TLL2: variants seen among roughly 807,000 people sequenced by gnomAD.
TLL2 encodes the protein tolloid-like protein 2.
In TLL2, 106 loss-of-function variants were observed where a neutral mutation model predicts 123.0. That is an observed-to-expected ratio of 0.86 (90% confidence interval 0.74 to 1.01). TLL2 has a LOEUF of 1.01. Among genes scored for constraint, TLL2 ranks in the 50% least tolerant of loss-of-function variants. TLL2 has a pLI of 0.00. For missense variants in TLL2, 1,332 were observed against 1,336.7 expected, an observed-to-expected ratio of 1.00 and a Z score of 0.06; for synonymous variants, 494 against 516.8, an observed-to-expected ratio of 0.96 and a Z score of 0.60.
At chr10:96,502,297 G>A (rs890895599) in intron 1 of TLL2, among the ~76,000 whole-genome samples, 1 of 152,206 alleles carries the variant, frequency 6.6e-6, no homozygotes, top group Non-Finnish European at 1.5e-5. Flanking sequence ...TGACATTAAA[G>A]GATCCTAAGC....
intron 16 of TLL2, among the ~76,000 whole-genome samples, chr10:96,382,043 A>C (rs1846190423): frequency 6.6e-6 from 1 of 152,086 alleles, no homozygotes; most frequent in Non-Finnish European, 1.5e-5. Flanking sequence ...CAAGATTTGC[A>C]CTTTGTTGAA....
intron 10 of TLL2, among the ~76,000 whole-genome samples, chr10:96,404,189 G>C (rs919489232): frequency 6.6e-6 from 1 of 152,156 alleles, no homozygotes; most frequent in Non-Finnish European, 1.5e-5. Context: ...CTTTGTCTCT[G>C]TGTCTTATTT....
chr10:96,411,111 C>T (rs1401927582), intron 8 of TLL2, among the ~76,000 whole-genome samples: 3 of 151,674 alleles, frequency 2.0e-5, no homozygotes, highest in South Asian at 2.1e-4. Flanking sequence ...GTGGTAGTGG[C>T]GTGCACCTGT....
rs200405308 is a variant in TLL2, at chr10:96,395,381, A to G, written c.1532T>C (p.Ile511Thr). 6.3e-7 allele frequency: 1 copy of G among 1,579,178 alleles called. No homozygotes were observed. The stretch of plus-strand genomic sequence containing the variant: ...ATATGCACAGCTGTCGTGCCTTTCA[A>G]TCTAAAGGAAGAAACAGAGGCAAGG... ...HVGLTFQAFE[I>T]ERHDSCAYDY... Residue 511 changes from isoleucine to threonine, a missense_variant and splice_region_variant, in exon 13 of 21, where the codon ATT becomes ACT. Transcript: ENST00000357947.
At chr10:96,382,443 G>T (rs1289322123) in intron 16 of TLL2, among the ~76,000 whole-genome samples, 1 of 151,966 alleles carries the variant, frequency 6.6e-6, no homozygotes, top group African/African-American at 2.4e-5. Context: ...GGTGACAAGA[G>T]CCCTAATGGA....
At chr10:96,422,803 C>A in intron 5 of TLL2, 76 bp from the exon 6 acceptor site, 1 of 1,541,444 alleles carries the variant, frequency 6.5e-7, no homozygotes, top group Non-Finnish European at 8.9e-7. Context: ...CCCTCCCACT[C>A]TGTATGTGTG....
chr10:96,395,806 C>G (rs962792126), intron 12 of TLL2, 69 bp downstream of exon 12: 4 of 1,581,706 alleles, frequency 2.5e-6, no homozygotes, highest in African/African-American at 2.7e-5. Flanking sequence ...GAAAACCCAT[C>G]TTTACAGAGT....
intron 14 of TLL2, among the ~76,000 whole-genome samples, chr10:96,386,669 GT>G (rs1174627118): frequency 1.3e-5 from 2 of 152,182 alleles, no homozygotes; most frequent in Admixed American, 6.5e-5. Flanking sequence ...CTTTGCTTTT[GT>G]TTCCTACTTT....
chr10:96,472,703 A>T (rs771566361), intron 2 of TLL2, among the ~76,000 whole-genome samples: 3 of 152,072 alleles, frequency 2.0e-5, no homozygotes, highest in Non-Finnish European at 4.4e-5. Context: ...TTGAGGCTGC[A>T]GTGCACCACT....
At chr10:96,463,256 A>C (rs1217788166) in intron 2 of TLL2, among the ~76,000 whole-genome samples, 5 of 152,220 alleles carry the variant, frequency 3.3e-5, no homozygotes, top group East Asian at 1.9e-4. Context: ...TTGAGCCTGC[A>C]GCTTCCCACT....
chr10:96,432,934 G>A lies in TLL2; in HGVS notation c.393C>T (p.His131=), dbSNP rs112131087. The A allele has an allele frequency of 8.1e-6, 13 of 1,613,940 alleles. No homozygotes were observed. In the African/African-American group the frequency reaches 1.2e-4, roughly 15 times the overall value. ...CTGCGGCATGCAAGGTCCCAGGGCT[G>A]TGCAGGAGTGTGGTATTCTCCCGGC... is the stretch of plus-strand genomic sequence containing the variant. ...KDGRENTTLL[H]SPGTLHAAAK... The change falls in exon 4 of 21, where the codon CAC becomes CAT. Residue 131 remains histidine (H), a synonymous_variant. Transcript: ENST00000357947.
In TLL2 at chr10:96,395,947, AG is replaced by A; in HGVS notation, c.1457del (p.Pro486LeufsTer49). 1.2e-6 allele frequency: 2 copies of A among 1,614,238 alleles called. No homozygotes were observed. Among genetic ancestry groups the A allele is most frequent in the Non-Finnish European group, 1.7e-6 (2 of 1,180,042 alleles). Reference protein sequence around the residue: ...QSPNYPDDYRPSKECVWRITV... With the variant: ...QSPNYPDDYRXSKECVWRITV... ...TAATCCTCCAGACACATTCCTTGGA[AG>A]GTCTGTAGTCATCCGGATAGTTGGG... On this transcript the variant is annotated frameshift_variant, in exon 12 of 21. Coordinates refer to ENST00000357947, the MANE Select transcript of TLL2 (RefSeq NM_012465.4). LOFTEE classifies it high-confidence loss of function.
chr10:96,459,689 AAAAAAAAAAAAAAAAAATAT>A (rs1480164213), intron 2 of TLL2, among the ~76,000 whole-genome samples: 3 of 54,462 alleles, frequency 5.5e-5, no homozygotes, highest in East Asian at 4.3e-4. Flanking sequence ...AAAAAAAAAA[AAAAAAAAAAAAAAAAAATAT>A]ATATATATAT....
At chr10:96,378,885 C>T in intron 17 of TLL2, 82 bp downstream of exon 17, 1 of 1,572,216 alleles carries the variant, frequency 6.4e-7, no homozygotes, top group Non-Finnish European at 8.7e-7. Context: ...GCCGCACCTC[C>T]TTACTCATGC....
At chr10:96,431,323 T>C (rs1273760781) in intron 4 of TLL2, among the ~76,000 whole-genome samples, 1 of 152,336 alleles carries the variant, frequency 6.6e-6, no homozygotes, top group East Asian at 1.9e-4. Context: ...CGTGGGTTAA[T>C]GCTGCGGGAG....
intron 16 of TLL2, among the ~76,000 whole-genome samples, chr10:96,379,646 AC>A (rs1406050503): frequency 1.3e-5 from 2 of 151,972 alleles, no homozygotes; most frequent in Non-Finnish European, 2.9e-5. Context: ...AAATGGAGAA[AC>A]CCTGCCTCTA....
At chr10:96,397,030 G>A (rs1228302446) in intron 11 of TLL2, among the ~76,000 whole-genome samples, 156 bp downstream of exon 11, 1 of 152,212 alleles carries the variant, frequency 6.6e-6, no homozygotes, top group Non-Finnish European at 1.5e-5. Context: ...TGTTGCAGGA[G>A]GGGCTGTGGA....
At chr10:96,448,811 G>A (rs987404770) in intron 2 of TLL2, among the ~76,000 whole-genome samples, 3 of 152,138 alleles carry the variant, frequency 2.0e-5, no homozygotes, top group Non-Finnish European at 4.4e-5. Flanking sequence ...GAGTGAGGAA[G>A]AGACAAGGAG....
chr10:96,447,315 C>A (rs923507410), intron 2 of TLL2, among the ~76,000 whole-genome samples: 3 of 152,182 alleles, frequency 2.0e-5, no homozygotes, highest in East Asian at 3.8e-4. Context: ...TTACAGGAAC[C>A]CTGCAGAGGG....
Sources: allele counts gnomAD v4.1 joint callset (sites outside exome capture counted in the v4.1 genomes callset), GRCh38; gene constraint gnomAD v4.1.1; transcripts MANE v1.5; gene names NCBI Gene and HGNC (gene_info 2026-07-23, HGNC 2026-07-21).